PADI6: variants seen among roughly 807,000 people sequenced by gnomAD.
PADI6 encodes peptidyl arginine deiminase 6, also known as inactive protein-arginine deiminase type-6.
A neutral mutation model predicts 78.2 loss-of-function variants in PADI6; 66 were observed. The observed-to-expected ratio is 0.84, with a 90% confidence interval of 0.69 to 1.04. PADI6 has a LOEUF of 1.04. Among genes scored for constraint, PADI6 ranks in the 50% least tolerant of loss-of-function variants. The pLI is 0.00. For synonymous variants in PADI6, 397 were observed against 346.9 expected (o/e 1.14, Z -1.60); for missense variants, 854 against 866.1 (o/e 0.99, Z 0.18).
rs759824556 is a variant in PADI6, at chr1:17,372,257, G to A, written c.12G>A (p.Val4=). 6.2e-7 allele frequency: 1 copy of A among 1,613,974 alleles called. No homozygotes were observed. The highest frequency in any genetic ancestry group is 1.1e-5 in the South Asian group (1 of 91,088). Residue 4 remains valine, a synonymous_variant, in exon 1 of 16, where the codon GTG becomes GTA. Coordinates refer to ENST00000619609, the MANE Select transcript of PADI6 (RefSeq NM_207421.4). MVS[V]EGRAMSFQSI... ...GTGCAGGCCTGAGGATGGTCAGCGT[G>A]GAGGGCCGAGCCATGTCCTTCCAGA...
At chr1:17,372,837 A>C (rs944057928) in intron 1 of PADI6, among the ~76,000 whole-genome samples, 1 of 150,790 alleles carries the variant, frequency 6.6e-6, no homozygotes, top group African/African-American at 2.4e-5. Context: ...TAACTTCTGC[A>C]GTGTCGGTAG....
intron 5 of PADI6, 83 bp from the exon 6 acceptor site, chr1:17,381,884 G>T: frequency 6.5e-7 from 1 of 1,532,640 alleles, no homozygotes; most frequent in Non-Finnish European, 9.0e-7. Context: ...TCAAACTCCC[G>T]GCCCCTCTCT....
chr1:17,382,233 C>A, intron 6 of PADI6, 141 bp downstream of exon 6: 1 of 1,133,994 alleles, frequency 8.8e-7, no homozygotes, highest in Non-Finnish European at 1.2e-6. Context: ...TGTGGCTGTA[C>A]TTGTGTTTCC....
intron 6 of PADI6, among the ~76,000 whole-genome samples, chr1:17,385,223 G>A (rs1218095951): frequency 6.6e-6 from 1 of 152,170 alleles, no homozygotes; most frequent in Non-Finnish European, 1.5e-5. Flanking sequence ...CTTGCTCTGA[G>A]GTCTGGTCGT....
rs561522271 is a variant in PADI6 at position 17,374,786 on chromosome 1, A to G, written c.295-641A>G. ...AGAGGACTAAAGCTTCTATTTAAGG[A>G]TGGGGTGGATCTGTCACATGCTCTG... On this transcript the variant is annotated intron_variant, in intron 2 of 15. Transcript: ENST00000619609. Among the ~76,000 whole-genome samples, 40 of 152,234 alleles carry G rather than the reference A, an allele frequency of 2.6e-4. 1 individual carries two copies. The South Asian group carries it at 4.2e-3, about 16-fold the overall frequency.
At position 17,398,781 on chromosome 1, in the gene PADI6, GCTGA is replaced by G. The variant is rs752633702; in HGVS notation, c.1788_1791del (p.Asn598SerfsTer22). The G allele has an allele frequency of 1.2e-6, 2 of 1,612,312 alleles. No homozygotes were observed. The highest frequency in any genetic ancestry group is 2.2e-5 in the South Asian group (2 of 90,996). ...TTCCCCAGCTGTTCTGCTTGGAGAA[GCTGA>G]CTAACATCCCCTCTGACCAGCAGCC... On this transcript the variant is annotated frameshift_variant, in exon 15 of 16. Transcript: ENST00000619609. LOFTEE classifies it high-confidence loss of function.
At position 17,385,661 on chromosome 1, in the gene PADI6, C is replaced by T. The variant is rs143929953; in HGVS notation, c.680-2720C>T. Among the ~76,000 whole-genome samples the T allele has an allele frequency of 1.8e-3, 269 of 152,216 alleles. 1 individual carries two copies. The highest frequency in any genetic ancestry group is 6.1e-3 in the African/African-American group (255 of 41,526). ...ATGTCTAGATGTTCTAGTCTATTGT[C>T]AGATACCAGTGACACAACAGCAGTG... is the stretch of plus-strand genomic sequence containing the variant. On this transcript the variant is annotated intron_variant, in intron 6 of 15. Transcript: ENST00000619609.
chr1:17,380,957 T>G, intron 4 of PADI6, 90 bp from the exon 5 acceptor site: 1 of 1,094,916 alleles, frequency 9.1e-7, no homozygotes, highest in African/African-American at 1.6e-5. Context: ...GGAGAAAGGC[T>G]TGGCTGGGCC....
chr1:17,380,763 G>T (rs2075065348), intron 4 of PADI6, among the ~76,000 whole-genome samples: 1 of 152,200 alleles, frequency 6.6e-6, no homozygotes, highest in South Asian at 2.1e-4. Flanking sequence ...CTGCTGCCAG[G>T]TGGCACGTCT....
chr1:17,373,246 G>T lies in PADI6; in HGVS notation c.294+13G>T, dbSNP rs144188098. ...GGATGCGGATAAGGTAAGCCTCAGG[G>T]GAAGAGGTGAGGGGCATCTCCCGGG... On this transcript the variant is annotated intron_variant, in intron 2 of 15. Coordinates refer to ENST00000619609, the MANE Select transcript of PADI6 (RefSeq NM_207421.4). 1.2e-6 allele frequency: 2 copies of T among 1,612,512 alleles called. No individual in the cohort carries two copies. Among genetic ancestry groups the T allele is most frequent in the Non-Finnish European group, 1.7e-6 (2 of 1,178,780 alleles).
At chr1:17,392,075 T>G in intron 8 of PADI6, 39 bp from the exon 9 acceptor site, 10 of 1,529,474 alleles carry the variant, frequency 6.5e-6, no homozygotes, top group Non-Finnish European at 8.9e-6. Flanking sequence ...TAAGGGACCT[T>G]CGAAAGCCTT....
intron 8 of PADI6, among the ~76,000 whole-genome samples, chr1:17,391,219 T>C (rs1557605349): frequency 1.3e-5 from 2 of 152,046 alleles, no homozygotes; most frequent in African/African-American, 4.8e-5. Context: ...TTTAAGATAA[T>C]TTATTATTTT....
At chr1:17,397,760 C>T (rs1035879124) in intron 14 of PADI6, among the ~76,000 whole-genome samples, 2 of 152,120 alleles carry the variant, frequency 1.3e-5, no homozygotes, top group African/African-American at 2.4e-5. Flanking sequence ...AACCGCTAGC[C>T]CAGGACAATC....
At chr1:17,378,371 G>A (rs913280922) in intron 3 of PADI6, among the ~76,000 whole-genome samples, 1 of 152,200 alleles carries the variant, frequency 6.6e-6, no homozygotes, top group Admixed American at 6.5e-5. Flanking sequence ...TGGTCCCTGA[G>A]CATCTGCTGG....
In PADI6 at chr1:17,395,100, G is replaced by A. The variant is rs1214829811; in HGVS notation, c.1487G>A (p.Gly496Asp). ...ATCCCCACAGATGACAAGAATGAGG[G>A]CAAAAAGGTCTGCTTTGGGGTCTGG... is the stretch of plus-strand genomic sequence containing the variant. The part of the protein sequence containing the change: ...CFIPTDDKNE[G>D]KKGFLLLLAS... The change falls in exon 12 of 16, where the codon GGC becomes GAC. Residue 496 changes from glycine to aspartate, a missense_variant. Transcript: ENST00000619609. 2 of 1,613,134 alleles carry A rather than the reference G, an allele frequency of 1.2e-6. No individual in the cohort carries two copies. The highest frequency in any genetic ancestry group is 1.7e-6 in the Non-Finnish European group (2 of 1,179,584).
At position 17,381,269 on chromosome 1, in the gene PADI6, C is replaced by T. The variant is rs530157013; in HGVS notation, c.553+105C>T. 1.2e-4 allele frequency: 108 copies of T among 892,782 alleles called. No individual in the cohort carries two copies. The South Asian group carries it at 1.3e-3, about 11-fold the overall frequency. 55.3% of individuals were successfully genotyped at this position (892,782 alleles called of 1,614,324 possible). ...TTTTCTCCACCCCACCCCCGACACC[C>T]TCTTCCCCAGTCCCCATGCCTGGGC... is the stretch of plus-strand genomic sequence containing the variant. On this transcript the variant is annotated intron_variant, in intron 5 of 15. Transcript: ENST00000619609.
chr1:17,375,342 C>G, intron 2 of PADI6, 85 bp from the exon 3 acceptor site: 1 of 1,278,468 alleles, frequency 7.8e-7, no homozygotes, highest in Non-Finnish European at 1.1e-6. Context: ...AGATCCCACG[C>G]CTAGACTCGG....
intron 15 of PADI6, among the ~76,000 whole-genome samples, chr1:17,400,727 G>A (rs2075293647): frequency 6.6e-6 from 1 of 152,116 alleles, no homozygotes; most frequent in Non-Finnish European, 1.5e-5. Context: ...CTAAACACCT[G>A]CTGACCTCTT....
chr1:17,393,834 G>A, intron 9 of PADI6, 141 bp from the exon 10 acceptor site: 2 of 701,482 alleles, frequency 2.9e-6, no homozygotes, highest in Admixed American at 2.2e-5. Flanking sequence ...GAGCCTTCAA[G>A]AAGGGGTGAT....
Sources: gnomAD v4.1 joint callset for allele counts (sites outside exome capture counted in the v4.1 genomes callset) on GRCh38, gnomAD v4.1.1 for gene constraint, MANE v1.5 for transcripts, NCBI Gene and HGNC (gene_info 2026-07-23, HGNC 2026-07-21) for gene names.